Variants in CHRM3 observed in about 807,000 individuals in gnomAD.
CHRM3 encodes cholinergic receptor muscarinic 3.
Under a neutral mutation model 41.8 loss-of-function variants are expected in CHRM3, and 11 were observed. The observed-to-expected ratio is 0.26, with a 90% CI of 0.17 to 0.44. The LOEUF (loss-of-function observed/expected upper bound fraction) is 0.44. Ranked by LOEUF, CHRM3 falls within the 20% of genes least tolerant of loss-of-function variation. The pLI, the probability that CHRM3 is intolerant of heterozygous loss-of-function variation, is 1.00. For synonymous variants in CHRM3, 297 were observed against 301.4 expected (o/e 0.99, Z 0.15); for missense variants, 571 against 745.4 (o/e 0.77, Z 2.72).
chr1:239,668,089 C>CTTTTTTTTTTT (rs1221135009), intron 4 of CHRM3, among the ~76,000 whole-genome samples: 2 of 75,594 alleles, frequency 2.6e-5, no homozygotes, highest in Non-Finnish European at 5.3e-5. Context: ...TTTCCCCTTT[C>CTTTTTTTTTTT]TTTTTTTTTT....
chr1:239,533,013 G>A (rs1247381953), intron 2 of CHRM3, among the ~76,000 whole-genome samples: 1 of 151,936 alleles, frequency 6.6e-6, no homozygotes, highest in Non-Finnish European at 1.5e-5. Flanking sequence ...CGCTCTTCTG[G>A]AAATAATATA....
chr1:239,470,625 G>A (rs545096238), intron 1 of CHRM3, among the ~76,000 whole-genome samples: 26 of 152,194 alleles, frequency 1.7e-4, no homozygotes, highest in Admixed American at 1.4e-3. Context: ...CTTCTTCCTC[G>A]GACTGTTCCA....
chr1:239,487,413 G>C (rs577047041), intron 1 of CHRM3, among the ~76,000 whole-genome samples: 18 of 152,170 alleles, frequency 1.2e-4, no homozygotes, highest in African/African-American at 3.4e-4. Flanking sequence ...GAATTTAGTA[G>C]TTTTAAGGTA....
chr1:239,710,406 A>C (rs905184957), intron 5 of CHRM3, among the ~76,000 whole-genome samples: 4 of 152,178 alleles, frequency 2.6e-5, no homozygotes, highest in Admixed American at 2.6e-4. Context: ...TTCCATATCT[A>C]TAGGCAGGCT....
intron 6 of CHRM3, among the ~76,000 whole-genome samples, chr1:239,861,550 G>A (rs1675640915): frequency 6.6e-6 from 1 of 152,114 alleles, no homozygotes; most frequent in South Asian, 2.1e-4. Flanking sequence ...GAGAGGTAGC[G>A]AGAGTCAACT....
At chr1:239,693,075 G>A (rs980120411) in intron 5 of CHRM3, among the ~76,000 whole-genome samples, 7 of 152,134 alleles carry the variant, frequency 4.6e-5, no homozygotes, top group Non-Finnish European at 2.9e-5. Flanking sequence ...GTTCATGCAC[G>A]CCTGTGCTTC....
intron 1 of CHRM3, among the ~76,000 whole-genome samples, chr1:239,462,312 G>A (rs1415082170): frequency 2.0e-5 from 3 of 151,872 alleles, no homozygotes; most frequent in Non-Finnish European, 2.9e-5. Context: ...ATGTCCCTGG[G>A]TTATACCAGG....
At chr1:239,591,196 T>C (rs1664110413) in intron 3 of CHRM3, among the ~76,000 whole-genome samples, 1 of 152,228 alleles carries the variant, frequency 6.6e-6, no homozygotes, top group Non-Finnish European at 1.5e-5. Context: ...TTCCTCATTG[T>C]AGTTGGTGAC....
At position 239,479,828 on chromosome 1, in the gene CHRM3, A is replaced by G. The variant is rs528645438; in HGVS notation, c.-520-12881A>G. Reference sequence around the variant, plus strand: ...AGTGAATCAAGCTTGCAGGACTGCAAGTTGCTCTAGGTGAGTCAGTGAGTG... The same window carrying G: ...AGTGAATCAAGCTTGCAGGACTGCAGGTTGCTCTAGGTGAGTCAGTGAGTG... On this transcript the variant is annotated intron_variant, in intron 1 of 6. Transcript: ENST00000676153. Among the ~76,000 whole-genome samples the G allele has an allele frequency of 2.1e-3, 313 of 152,352 alleles. 1 individual carries two copies. The highest frequency in any genetic ancestry group is 2.2e-3 in the Non-Finnish European group (153 of 68,030).
intron 6 of CHRM3, among the ~76,000 whole-genome samples, chr1:239,852,012 A>T (rs772534497): frequency 6.6e-6 from 1 of 151,980 alleles, no homozygotes; most frequent in African/African-American, 2.4e-5. Context: ...GGGCATCGTG[A>T]TGTTTGAGAA....
At chr1:239,485,901 G>C (rs1460301297) in intron 1 of CHRM3, among the ~76,000 whole-genome samples, 1 of 152,056 alleles carries the variant, frequency 6.6e-6, no homozygotes, top group African/African-American at 2.4e-5. Flanking sequence ...CTTTAGTATT[G>C]GTAGGTACGG....
intron 3 of CHRM3, among the ~76,000 whole-genome samples, chr1:239,556,715 C>T (rs552442834): frequency 1.3e-5 from 2 of 152,238 alleles, no homozygotes; most frequent in South Asian, 2.1e-4. Context: ...ACAGCTTCCA[C>T]ACAGAGGAGG....
chr1:239,730,677 G>A (rs1255767942), intron 5 of CHRM3, among the ~76,000 whole-genome samples: 1 of 151,976 alleles, frequency 6.6e-6, no homozygotes, highest in Non-Finnish European at 1.5e-5. Context: ...AACCATGGAC[G>A]CTGAGTCTGG....
At chr1:239,800,069 T>G (rs1326178068) in intron 5 of CHRM3, among the ~76,000 whole-genome samples, 1 of 152,206 alleles carries the variant, frequency 6.6e-6, no homozygotes, top group Non-Finnish European at 1.5e-5. Context: ...AGTGTGTGAA[T>G]GTAAAAATGA....
chr1:239,827,592 G>A (rs1672556484), intron 6 of CHRM3, among the ~76,000 whole-genome samples: 1 of 152,040 alleles, frequency 6.6e-6, no homozygotes, highest in Non-Finnish European at 1.5e-5. Flanking sequence ...AAATGACATA[G>A]GGTGGGTAAA....
At chr1:239,560,015 T>C (rs1291746716) in intron 3 of CHRM3, among the ~76,000 whole-genome samples, 2 of 152,226 alleles carry the variant, frequency 1.3e-5, no homozygotes, top group East Asian at 1.9e-4. Context: ...ATACCACTTA[T>C]TCATAATAAA....
intron 1 of CHRM3, among the ~76,000 whole-genome samples, chr1:239,409,409 A>G (rs1017446380): frequency 1.3e-5 from 2 of 152,178 alleles, no homozygotes; most frequent in African/African-American, 4.8e-5. Flanking sequence ...GTTTCTTTGC[A>G]ATCTAGGACC....
At chr1:239,474,647 AGTAAT>A (rs1445144484) in intron 1 of CHRM3, among the ~76,000 whole-genome samples, 10 of 152,088 alleles carry the variant, frequency 6.6e-5, no homozygotes, top group Admixed American at 1.3e-4. Context: ...AGCTTTGAGA[AGTAAT>A]GTAATTATTG....
intron 5 of CHRM3, among the ~76,000 whole-genome samples, chr1:239,729,335 A>G (rs1389154574): frequency 6.6e-6 from 1 of 151,896 alleles, no homozygotes; most frequent in Non-Finnish European, 1.5e-5. Context: ...GTTGTGATGA[A>G]GGGAAAAAAA....
Sources: gnomAD v4.1 joint callset for allele counts (sites outside exome capture counted in the v4.1 genomes callset) on GRCh38, gnomAD v4.1.1 for gene constraint, MANE v1.5 for transcripts, NCBI Gene and HGNC (gene_info 2026-07-23, HGNC 2026-07-21) for gene names.